HNRNPH3: variants seen among roughly 807,000 people sequenced by gnomAD.
The protein encoded by HNRNPH3 is heterogeneous nuclear ribonucleoprotein H3.
HNRNPH3 carries 7 observed loss-of-function variants against 47.0 expected under a neutral mutation model. The observed-to-expected ratio is 0.15, with a 90% CI of 0.08 to 0.28. The LOEUF (loss-of-function observed/expected upper bound fraction) is 0.28. Ranked by LOEUF, HNRNPH3 falls within the 10% of genes least tolerant of loss-of-function variation. HNRNPH3 has a pLI of 1.00. For missense variants in HNRNPH3, 279 were observed against 449.6 expected, an observed-to-expected ratio of 0.62 and a Z score of 3.43; for synonymous variants, 120 against 143.2, an observed-to-expected ratio of 0.84 and a Z score of 1.16.
chr10:68,338,953 C>T (rs2045676082), intron 4 of HNRNPH3, 187 bp from the exon 5 acceptor site: 1 of 536,388 alleles, frequency 1.9e-6, no homozygotes, highest in African/African-American at 1.9e-5. Context: ...CATGTCTGAA[C>T]TTAATTAACT....
At position 68,342,987 on chromosome 10, in the gene HNRNPH3, C is replaced by T. The variant is rs2046053734; in HGVS notation, c.*933C>T. 1 of 152,148 alleles carries T rather than the reference C, an allele frequency of 6.6e-6. No individual in the cohort carries two copies. Among genetic ancestry groups the T allele is most frequent in the African/African-American group, 2.4e-5 (1 of 41,446 alleles). The allele number at this position is 152,148 out of a possible 1,614,324, so 9.4% of individuals were successfully genotyped here. On this transcript the variant is annotated 3_prime_UTR_variant, in exon 10 of 10. Transcript: ENST00000265866. Reference sequence around the variant, plus strand: ...ACAATCCTGCAGTTGGGTTTTGTATCTGATCCCTGCTTGGAGTTTTAGTTT... The same window carrying T: ...ACAATCCTGCAGTTGGGTTTTGTATTTGATCCCTGCTTGGAGTTTTAGTTT...
At position 68,337,140 on chromosome 10, in the gene HNRNPH3, A is replaced by G. The variant is rs2045586546; in HGVS notation, c.-23-59A>G. On this transcript the variant is annotated intron_variant, in intron 1 of 9. Coordinates refer to ENST00000265866, the MANE Select transcript of HNRNPH3 (RefSeq NM_012207.3). The surrounding 1 kb of genome is among the most constrained non-coding windows in gnomAD (Gnocchi z 4.5). ...CACCTCTGAGAGGTGTTTCTTCATT[A>G]CCTCTTGACAAGAGTATATTTTGAT... 3 of 782,914 alleles carry G rather than the reference A, an allele frequency of 3.8e-6. No homozygotes were observed. Among genetic ancestry groups the G allele is most frequent in the African/African-American group, 1.8e-5 (1 of 56,650 alleles). The allele number at this position is 782,914 out of a possible 1,614,324, so 48.5% of individuals were successfully genotyped here. A position where few individuals can be genotyped will look rare whatever the true frequency, so the allele number is the denominator to read the frequency against.
chr10:68,331,702 G>C (rs2045101797), upstream of HNRNPH3: 1 of 152,308 alleles, frequency 6.6e-6, no homozygotes, highest in African/African-American at 2.4e-5. Context: ...CACAGAATTT[G>C]TTCACGGTGG....
Position 68,337,429 on chromosome 10 carries a change from CTTTTAA to C in HNRNPH3, c.112+97_112+102del. 1 of 760,552 alleles carries C rather than the reference CTTTTAA, an allele frequency of 1.3e-6. No homozygotes were observed. Among genetic ancestry groups the C allele is most frequent in the Non-Finnish European group, 2.2e-6 (1 of 454,046 alleles). The allele number at this position is 760,552 out of a possible 1,614,324, so 47.1% of individuals were successfully genotyped here. ...TTGTAAAACCCATTTGATTTTGGAA[CTTTTAA>C]GTTTAACTATGATAGTCTTGGTTAA... is the stretch of plus-strand genomic sequence containing the variant. On this transcript the variant is annotated intron_variant, in intron 2 of 9. Transcript: ENST00000265866. The surrounding 1 kb of genome is among the most constrained non-coding windows in gnomAD (Gnocchi z 4.5).
intron 3 of HNRNPH3, chr10:68,338,257 C>CTATT: frequency 2.2e-6 from 1 of 448,044 alleles, no homozygotes; most frequent in Non-Finnish European, 4.0e-6. Context: ...TTTAAAACAC[C>CTATT]TATTATGTAC....
chr10:68,335,857 A>G (rs1049204025), intron 1 of HNRNPH3, among the ~76,000 whole-genome samples: 3 of 152,186 alleles, frequency 2.0e-5, no homozygotes, highest in African/African-American at 7.2e-5. Flanking sequence ...CAGAACATTC[A>G]TAATATTTAT....
chr10:68,339,806 G>A (rs2045761062), intron 6 of HNRNPH3, among the ~76,000 whole-genome samples: 2 of 150,160 alleles, frequency 1.3e-5, no homozygotes, highest in African/African-American at 2.5e-5. Context: ...AGCCTCCCGA[G>A]TAGCTGGAAC....
chr10:68,341,733 AT>A (rs770066057), intron 8 of HNRNPH3, 25 bp from the exon 9 acceptor site: 3 of 1,584,836 alleles, frequency 1.9e-6, no homozygotes, highest in Non-Finnish European at 2.6e-6. Context: ...ATGAGTCTCA[AT>A]TTTTTTTCTT....
chr10:68,335,235 C>CTTTTTTTTTTTTTTTT (rs72408822), intron 1 of HNRNPH3, among the ~76,000 whole-genome samples: 1 of 136,762 alleles, frequency 7.3e-6, no homozygotes. Context: ...TTTTTCTTTT[C>CTTTTTTTTTTTTTTTT]TTTTTTTTTT....
intron 1 of HNRNPH3, among the ~76,000 whole-genome samples, chr10:68,335,131 C>G (rs2045472412): frequency 6.6e-6 from 1 of 151,826 alleles, no homozygotes; most frequent in South Asian, 2.1e-4. Flanking sequence ...TTCATTGGGT[C>G]TTATCATTGG....
At position 68,338,596 on chromosome 10, in the gene HNRNPH3, T is replaced by C. The variant is rs2045656427; in HGVS notation, c.345T>C (p.Asp115=). ...TGGGACAGCGACCGGGACCATATGA[T>C]AGACCAATAGGAGGAAGAGGGGGTT... The part of the protein sequence containing the change: ...RLLGQRPGPY[D]RPIGGRGGYY... Residue 115 remains aspartate, a synonymous_variant, in exon 4 of 10, where the codon GAT becomes GAC. Coordinates refer to ENST00000265866, the MANE Select transcript of HNRNPH3 (RefSeq NM_012207.3). The C allele has an allele frequency of 6.2e-7, 1 of 1,613,210 alleles. No individual in the cohort carries two copies. Among genetic ancestry groups the C allele is most frequent in the Admixed American group, 1.7e-5 (1 of 59,878 alleles).
At position 68,339,505 on chromosome 10, in the gene HNRNPH3, G is replaced by T; in HGVS notation, c.589G>T (p.Val197Leu). 6.2e-7 allele frequency: 1 copy of T among 1,613,930 alleles called. No individual in the cohort carries two copies. Among genetic ancestry groups the T allele is most frequent in the Non-Finnish European group, 8.5e-7 (1 of 1,179,918 alleles). The change falls in exon 6 of 10, where the codon GTA becomes TTA. Residue 197 changes from valine to leucine, a missense_variant. Physicochemically the swap from Val to Leu is conservative, Grantham distance 32. Around this residue, in one of 2 missense-constraint regions of HNRNPH3, gnomAD observed 239 missense variants for 335.8 expected, o/e 0.71. Coordinates refer to ENST00000265866, the MANE Select transcript of HNRNPH3 (RefSeq NM_012207.3). ...TTCAGGTTTTCATGGTGGTCATTTC[G>T]TACATATGAGAGGGTTGCCTTTTCG... ...ASSGFHGGHF[V>L]HMRGLPFRAT...
In HNRNPH3 at chr10:68,343,170, T is replaced by C. The variant is rs1156633273; in HGVS notation, c.*1116T>C. On this transcript the variant is annotated 3_prime_UTR_variant, in exon 10 of 10. Transcript: ENST00000265866. ...TTGTTTTTGCCAGAAATGTTATTAATAAATGTCATTGTGGGAGATAATAGT... is the reference window on the plus strand; with the variant it reads ...TTGTTTTTGCCAGAAATGTTATTAACAAATGTCATTGTGGGAGATAATAGT... 6.6e-6 allele frequency: 1 copy of C among 152,242 alleles called. No individual in the cohort carries two copies. Among genetic ancestry groups the C allele is most frequent in the Admixed American group, 6.5e-5 (1 of 15,276 alleles). 9.4% of individuals were successfully genotyped at this position (152,242 alleles called of 1,614,324 possible).
chr10:68,340,011 G>C (rs979026981), intron 6 of HNRNPH3, among the ~76,000 whole-genome samples: 1 of 151,640 alleles, frequency 6.6e-6, no homozygotes, highest in Non-Finnish European at 1.5e-5. Context: ...ATTTTGTGCT[G>C]GTGTCTTTTG....
At chr10:68,332,041 G>A (rs775766403), upstream of HNRNPH3, 1 of 152,666 alleles carries the variant, frequency 6.6e-6, no homozygotes, top group Non-Finnish European at 1.5e-5. Context: ...CTTCTTGCTC[G>A]TTCCCTCCCA....
rs531982186 is a variant in HNRNPH3, at chr10:68,341,922, T to G, written c.965-56T>G. On this transcript the variant is annotated intron_variant, in intron 9 of 9. Transcript: ENST00000265866. ...AAACTTTAAAGTGCAGGTATTACTT[T>G]TATTATTTTATGCAGATATCTCCTG... 39 of 1,598,174 alleles carry G rather than the reference T, an allele frequency of 2.4e-5. No individual in the cohort carries two copies. In the Middle Eastern group the frequency reaches 5.0e-4, roughly 20 times the overall value.
intron 3 of HNRNPH3, 42 bp downstream of exon 3, chr10:68,338,038 T>G (rs764713229): frequency 1.7e-5 from 25 of 1,504,778 alleles, no homozygotes; most frequent in South Asian, 7.6e-5. Flanking sequence ...TTTTTATTTT[T>G]GGGGGTTGTG....
chr10:68,340,786 ATTTC>A (rs2045867837), intron 6 of HNRNPH3, among the ~76,000 whole-genome samples: 2 of 147,466 alleles, frequency 1.4e-5, no homozygotes, highest in African/African-American at 5.0e-5. Context: ...GATATCCCGT[ATTTC>A]TCTCTGTGTG....
chr10:68,335,592 C>T (rs112201974), intron 1 of HNRNPH3, among the ~76,000 whole-genome samples: 4 of 152,130 alleles, frequency 2.6e-5, no homozygotes, highest in African/African-American at 9.6e-5. Flanking sequence ...TAATAATTCT[C>T]AGTTCTTTTC....
Sources: allele counts gnomAD v4.1 joint callset (sites outside exome capture counted in the v4.1 genomes callset), GRCh38; gene constraint gnomAD v4.1.1; regional missense constraint gnomAD v4.1.1; non-coding constraint Gnocchi (gnomAD v3.1); transcripts MANE v1.5; gene names NCBI Gene and HGNC (gene_info 2026-07-23, HGNC 2026-07-21).